ARFGEF3: variants seen among roughly 807,000 people sequenced by gnomAD.
ARFGEF3 encodes ARFGEF family member 3.
A neutral mutation model predicts 221.7 loss-of-function variants in ARFGEF3; 96 were observed. The ratio of observed to expected loss-of-function variants is 0.43; its 90% CI spans 0.37 to 0.51. The LOEUF is 0.51. Ranked by LOEUF, ARFGEF3 falls within the 20% of genes least tolerant of loss-of-function variation. The probability of loss-of-function intolerance (pLI) is 0.00; values close to 1 mark genes in which losing one functional copy is unlikely to be tolerated. For synonymous variants in ARFGEF3, 1,145 were observed against 1,126.8 expected, an observed-to-expected ratio of 1.02 and a Z score of -0.32; for missense variants, 2,410 against 2,789.9, an observed-to-expected ratio of 0.86 and a Z score of 3.07.
chr6:138,272,651 G>T (rs1330509127), intron 12 of ARFGEF3, among the ~76,000 whole-genome samples: 1 of 152,152 alleles, frequency 6.6e-6, no homozygotes, highest in Non-Finnish European at 1.5e-5. Flanking sequence ...ACCTCTATCA[G>T]AAGATAAAGC....
intron 22 of ARFGEF3, among the ~76,000 whole-genome samples, chr6:138,303,675 C>T (rs546817472): frequency 9.2e-5 from 14 of 151,508 alleles, no homozygotes; most frequent in Admixed American, 7.9e-4. Context: ...TGGTGGCGCA[C>T]GCTGTAGTCC....
At chr6:138,305,976 C>A (rs79994667) in intron 22 of ARFGEF3, among the ~76,000 whole-genome samples, 12,812 of 152,080 alleles carry the variant, frequency 0.084, 951 homozygotes, top group Admixed American at 0.22. Flanking sequence ...TCTATTTCTG[C>A]TCAACATTAA....
intron 4 of ARFGEF3, among the ~76,000 whole-genome samples, chr6:138,228,649 GAA>G (rs1240566844): frequency 6.6e-6 from 1 of 152,128 alleles, no homozygotes; most frequent in Non-Finnish European, 1.5e-5. Context: ...TGCTTTCTCT[GAA>G]GGAGCGACTG....
intron 29 of ARFGEF3, among the ~76,000 whole-genome samples, chr6:138,323,330 G>A (rs559764121): frequency 6.6e-6 from 1 of 152,262 alleles, no homozygotes; most frequent in African/African-American, 2.4e-5. Context: ...ACTCCTTTGT[G>A]GCCGGGCGCG....
chr6:138,216,639 G>A (rs1173377177), intron 4 of ARFGEF3: 1 of 152,208 alleles, frequency 6.6e-6, no homozygotes, highest in East Asian at 1.9e-4. Context: ...GTGATCATTA[G>A]TGAAGTTTGA....
At chr6:138,218,557 T>C in intron 4 of ARFGEF3, 3 of 1,220,138 alleles carry the variant, frequency 2.5e-6, no homozygotes, top group South Asian at 3.8e-5. Context: ...CCAATGTTTC[T>C]GTTCCATCCT....
chr6:138,193,662 T>C (rs943176202), intron 2 of ARFGEF3, among the ~76,000 whole-genome samples: 1 of 152,232 alleles, frequency 6.6e-6, no homozygotes, highest in Non-Finnish European at 1.5e-5. Flanking sequence ...ATTGGTTTCA[T>C]AAGGCATTTT....
intron 2 of ARFGEF3, among the ~76,000 whole-genome samples, chr6:138,195,897 A>G (rs937998611): frequency 1.3e-5 from 2 of 151,996 alleles, no homozygotes; most frequent in Non-Finnish European, 2.9e-5. Flanking sequence ...AGCTTACAGC[A>G]TTTCACGGCA....
At chr6:138,317,217 T>C in intron 26 of ARFGEF3, 34 bp from the exon 27 acceptor site, 2 of 1,603,296 alleles carry the variant, frequency 1.2e-6, no homozygotes, top group Non-Finnish European at 8.5e-7. Flanking sequence ...TGTGTCTAAC[T>C]GGATTTCATA....
intron 2 of ARFGEF3, among the ~76,000 whole-genome samples, chr6:138,173,317 C>T (rs749718370): frequency 3.9e-5 from 6 of 152,124 alleles, no homozygotes; most frequent in Admixed American, 2.0e-4. Context: ...ACTTAAAGTA[C>T]GAGAAAAACA....
At position 138,262,773 on chromosome 6, in the gene ARFGEF3, C is replaced by T. The variant is rs1212336103; in HGVS notation, c.1290C>T (p.Val430=). The change falls in exon 12 of 34, where the codon GTC becomes GTT. Residue 430 remains valine (V), a synonymous_variant. Coordinates refer to ENST00000251691, the MANE Select transcript of ARFGEF3 (RefSeq NM_020340.5). ...CTTGCTATGCAGCCGTGTCCTGTGT[C>T]TGCACCTTGCTGGGTGCCCTGGATG... The part of the protein sequence containing the change: ...IEACYAAVSC[V]CTLLGALDEL... The T allele has an allele frequency of 6.2e-7, 1 of 1,614,058 alleles. No individual in the cohort carries two copies. Among genetic ancestry groups the T allele is most frequent in the Non-Finnish European group, 8.5e-7 (1 of 1,179,906 alleles).
At chr6:138,325,192 G>C (rs950337390) in intron 31 of ARFGEF3, among the ~76,000 whole-genome samples, 1 of 152,190 alleles carries the variant, frequency 6.6e-6, no homozygotes, top group Non-Finnish European at 1.5e-5. Flanking sequence ...ATGAGTTGGA[G>C]GTTATACTCA....
intron 12 of ARFGEF3, among the ~76,000 whole-genome samples, chr6:138,276,277 G>A (rs1290754033): frequency 2.0e-5 from 3 of 152,228 alleles, no homozygotes; most frequent in East Asian, 1.9e-4. Flanking sequence ...ATGCCTGTCT[G>A]CAGATGGCCT....
chr6:138,286,092 C>CA, intron 15 of ARFGEF3, 39 bp downstream of exon 15: 3 of 1,115,918 alleles, frequency 2.7e-6, no homozygotes, highest in Non-Finnish European at 2.7e-6. Flanking sequence ...CATCCATACA[C>CA]TGCATGTGTT....
At chr6:138,295,025 A>G (rs914126331) in intron 20 of ARFGEF3, among the ~76,000 whole-genome samples, 5 of 152,186 alleles carry the variant, frequency 3.3e-5, no homozygotes, top group Middle Eastern at 3.2e-3. Context: ...CCTGAGCTAT[A>G]TAAAGCCAAC....
chr6:138,249,763 T>A (rs1305654237), intron 8 of ARFGEF3, among the ~76,000 whole-genome samples: 1 of 152,264 alleles, frequency 6.6e-6, no homozygotes, highest in Non-Finnish European at 1.5e-5. Context: ...TGTTTGATTT[T>A]CCAGTACAAT....
rs189988282 is a variant in ARFGEF3 at position 138,178,304 on chromosome 6, T to A, written c.137+7591T>A. On this transcript the variant is annotated intron_variant, in intron 2 of 33. Transcript: ENST00000251691. Reference sequence around the variant, plus strand: ...AAGACCAAAACCACAGGTCTAGAGGTGTTTGAATAAGTAGCCCGATAGCTC... The same window carrying A: ...AAGACCAAAACCACAGGTCTAGAGGAGTTTGAATAAGTAGCCCGATAGCTC... 9.8e-4 allele frequency among the ~76,000 whole-genome samples: 149 copies of A among 152,158 alleles called. 2 individuals carry two copies. In the South Asian group the frequency reaches 0.018, roughly 19 times the overall value.
At chr6:138,264,903 CTTTTTT>C (rs777385641) in intron 12 of ARFGEF3, among the ~76,000 whole-genome samples, 1 of 137,378 alleles carries the variant, frequency 7.3e-6, no homozygotes, top group Non-Finnish European at 1.6e-5. Context: ...TTTTTTTTTC[CTTTTTT>C]TTTTTTTTTT....
At chr6:138,237,365 C>T (rs1011142138) in intron 5 of ARFGEF3, among the ~76,000 whole-genome samples, 1 of 152,088 alleles carries the variant, frequency 6.6e-6, no homozygotes, top group Non-Finnish European at 1.5e-5. Flanking sequence ...TCTAAATATG[C>T]TTTGTAAAAT....
Sources: gnomAD v4.1 joint callset for allele counts (sites outside exome capture counted in the v4.1 genomes callset) on GRCh38, gnomAD v4.1.1 for gene constraint, MANE v1.5 for transcripts, NCBI Gene and HGNC (gene_info 2026-07-23, HGNC 2026-07-21) for gene names.